The following ABCA12 variants were observed in gnomAD, a reference collection of about 807,000 sequenced individuals.
ABCA12 encodes the protein ATP binding cassette subfamily A member 12, also known as glucosylceramide transporter ABCA12.
Under a neutral mutation model 293.5 loss-of-function variants are expected in ABCA12, and 156 were observed. The ratio of observed to expected loss-of-function variants is 0.53; its 90% CI spans 0.47 to 0.61. ABCA12 has a LOEUF of 0.61. Ranked by LOEUF, ABCA12 falls within the 20% of genes least tolerant of loss-of-function variation. ABCA12 has a pLI of 0.00. For synonymous variants in ABCA12, 1,063 were observed against 1,108.0 expected (o/e 0.96, Z 0.81); for missense variants, 2,797 against 3,090.2 (o/e 0.91, Z 2.25).
intron 48 of ABCA12, 110 bp downstream of exon 48, chr2:214,947,312 T>G: frequency 2.0e-6 from 3 of 1,489,118 alleles, no homozygotes; most frequent in Non-Finnish European, 2.8e-6. Context: ...TAGCACATAG[T>G]GAGACCTCAA....
At chr2:215,112,143 T>C (rs1161845241) in intron 1 of ABCA12, among the ~76,000 whole-genome samples, 1 of 152,102 alleles carries the variant, frequency 6.6e-6, no homozygotes, top group Non-Finnish European at 1.5e-5. Context: ...TCATAAAGAC[T>C]GGTGTGTGAA....
rs1459806615 is a variant in ABCA12, at chr2:215,134,624, G to T, written c.69+3516C>A. 1.3e-3 allele frequency among the ~76,000 whole-genome samples: 153 copies of T among 119,376 alleles called. 7 individuals are homozygous for T. Among genetic ancestry groups the T allele is most frequent in the African/African-American group, 1.7e-3 (40 of 23,760 alleles). The allele number at this position is 119,376 out of a possible 152,430, so 78.3% of individuals were successfully genotyped here. ...CTATATATATATATATATAGAGAGA[G>T]AGAGAGAGAGAGAGAGACAAACAGA... On this transcript the variant is annotated intron_variant, in intron 1 of 52. Coordinates refer to ENST00000272895, the MANE Select transcript of ABCA12 (RefSeq NM_173076.3).
At chr2:215,022,430 T>C (rs1325639155) in intron 11 of ABCA12, 1 of 152,232 alleles carries the variant, frequency 6.6e-6, no homozygotes, top group Admixed American at 6.5e-5. Flanking sequence ...TATGGTCATT[T>C]TGTCTTTGTT....
At chr2:215,116,775 T>A (rs965569431) in intron 1 of ABCA12, among the ~76,000 whole-genome samples, 3 of 152,170 alleles carry the variant, frequency 2.0e-5, no homozygotes, top group African/African-American at 7.2e-5. Context: ...TTCTGTGACA[T>A]TCTTGCCAAA....
At chr2:215,110,280 G>T in intron 2 of ABCA12, among the ~76,000 whole-genome samples, 1 of 152,186 alleles carries the variant, frequency 6.6e-6, no homozygotes. Flanking sequence ...GGAGGCCGAG[G>T]TGGGTGGATC....
At chr2:215,059,956 A>G (rs114303787) in intron 3 of ABCA12, among the ~76,000 whole-genome samples, 1 of 151,970 alleles carries the variant, frequency 6.6e-6, no homozygotes, top group African/African-American at 2.4e-5. Context: ...CTATTCTGGT[A>G]ACCACCACCC....
intron 30 of ABCA12, among the ~76,000 whole-genome samples, chr2:214,981,788 C>T (rs1167768302): frequency 1.1e-5 from 1 of 93,456 alleles, no homozygotes; most frequent in East Asian, 3.5e-4. Flanking sequence ...TTTTTTGAGA[C>T]AGTATCTCAC....
chr2:215,076,187 C>T (rs11884825), intron 2 of ABCA12, among the ~76,000 whole-genome samples: 38 of 152,232 alleles, frequency 2.5e-4, no homozygotes, highest in African/African-American at 8.9e-4. Flanking sequence ...CTCTGCCAAT[C>T]GCAAAGAGAC....
chr2:214,989,282 T>C (rs1389394567), intron 26 of ABCA12, 47 bp downstream of exon 26: 4 of 1,596,620 alleles, frequency 2.5e-6, no homozygotes, highest in Non-Finnish European at 3.4e-6. Context: ...TGATTTATAT[T>C]GAAGTCAACC....
At chr2:214,968,609 A>G in intron 38 of ABCA12, 111 bp downstream of exon 38, 1 of 1,054,924 alleles carries the variant, frequency 9.5e-7, no homozygotes, top group Non-Finnish European at 1.5e-6. Flanking sequence ...GGTTATGCAC[A>G]ATGCCAAATC....
At chr2:215,007,586 C>T in intron 19 of ABCA12, 141 bp downstream of exon 19, 1 of 1,102,194 alleles carries the variant, frequency 9.1e-7, no homozygotes, top group Non-Finnish European at 1.3e-6. Flanking sequence ...GTTACCCTGT[C>T]TCAGACCTTC....
chr2:215,075,560 G>GA (rs749818957), intron 2 of ABCA12: 17,183 of 507,206 alleles, frequency 0.034, 1 homozygote, highest in South Asian at 0.043. Context: ...ATTTATGCAG[G>GA]AAAAAAAAAA....
chr2:215,071,589 AG>A (rs1326498545), intron 2 of ABCA12, among the ~76,000 whole-genome samples: 2 of 152,180 alleles, frequency 1.3e-5, no homozygotes, highest in Admixed American at 1.3e-4. Flanking sequence ...CTGAATCACC[AG>A]GGGGTAAATT....
In ABCA12 at chr2:214,990,924, C is replaced by G. The variant is rs1296996290; in HGVS notation, c.3402G>C (p.Lys1134Asn). Residue 1134 changes from lysine to asparagine, a missense_variant, in exon 24 of 53, where the codon AAG (lysine) becomes AAC (asparagine). By Grantham distance (94) the Lys-to-Asn change is moderately conservative. Coordinates refer to ENST00000272895, the MANE Select transcript of ABCA12 (RefSeq NM_173076.3). The stretch of plus-strand genomic sequence containing the variant: ...TTGTTTTAGGAAGAATATTGCCAAA[C>G]TTGAGTATAATGATGAGGATCACGA... Reference protein sequence around the residue: ...VTIVILIIILKFGNILPKTNG... With the variant: ...VTIVILIIILNFGNILPKTNG... The G allele has an allele frequency of 6.2e-7, 1 of 1,613,822 alleles. No individual in the cohort carries two copies. The highest frequency in any genetic ancestry group is 8.5e-7 in the Non-Finnish European group (1 of 1,179,964).
intron 8 of ABCA12, among the ~76,000 whole-genome samples, chr2:215,034,404 A>C (rs1169408706): frequency 6.6e-6 from 1 of 152,192 alleles, no homozygotes; most frequent in Non-Finnish European, 1.5e-5. Context: ...AGTGGGTAGA[A>C]ATCAGAGTGT....
intron 19 of ABCA12, 130 bp downstream of exon 19, chr2:215,007,597 T>C (rs962233427): frequency 4.8e-6 from 6 of 1,239,652 alleles, no homozygotes; most frequent in Non-Finnish European, 7.0e-6. Context: ...TCAGACCTTC[T>C]CTCTGGAAGA....
intron 48 of ABCA12, among the ~76,000 whole-genome samples, chr2:214,947,044 AC>A (rs1409767579): frequency 6.6e-6 from 1 of 152,098 alleles, no homozygotes; most frequent in Non-Finnish European, 1.5e-5. Flanking sequence ...GAGTTTACCT[AC>A]TCAGTTCCTA....
intron 31 of ABCA12, 104 bp downstream of exon 31, chr2:214,980,379 C>T: frequency 6.8e-7 from 1 of 1,467,242 alleles, no homozygotes; most frequent in Non-Finnish European, 9.4e-7. Context: ...AGCTAGTATA[C>T]TAATGAATTT....
intron 31 of ABCA12, among the ~76,000 whole-genome samples, chr2:214,979,748 A>C (rs1160048315): frequency 6.6e-6 from 1 of 152,156 alleles, no homozygotes; most frequent in African/African-American, 2.4e-5. Context: ...TGCACCTAAT[A>C]CATAAATGTC....
Sources: gnomAD v4.1 joint callset for allele counts (sites outside exome capture counted in the v4.1 genomes callset) on GRCh38, gnomAD v4.1.1 for gene constraint, MANE v1.5 for transcripts, NCBI Gene and HGNC (gene_info 2026-07-23, HGNC 2026-07-21) for gene names.